Variants in CELF2 observed in about 807,000 individuals in gnomAD.
CELF2 encodes the protein CUG triplet repeat RNA-binding protein 2.
In CELF2, 8 loss-of-function variants were observed where a neutral mutation model predicts 62.6. The ratio of observed to expected loss-of-function variants is 0.13; its 90% CI spans 0.07 to 0.23. The LOEUF (loss-of-function observed/expected upper bound fraction) is 0.23. Ranked by LOEUF, CELF2 falls within the 10% of genes least tolerant of loss-of-function variation. The probability of loss-of-function intolerance (pLI) is 1.00; values close to 1 mark genes in which losing one functional copy is unlikely to be tolerated. For synonymous variants in CELF2, 258 were observed against 250.0 expected, an observed-to-expected ratio of 1.03 and a Z score of -0.30; for missense variants, 333 against 671.0, an observed-to-expected ratio of 0.50 and a Z score of 5.56.
intron 2 of CELF2, among the ~76,000 whole-genome samples, chr10:11,197,079 G>GAAAGAAAGAAAGAAAGAAAGAAAGAA (rs2058134561): frequency 7.3e-6 from 1 of 136,962 alleles, no homozygotes; most frequent in African/African-American, 3.0e-5. Context: ...AGGAAAGAAA[G>GAAAGAAAGAAAGAAAGAAAGAAAGAA]AAAGAAGAAA....
chr10:11,147,096 T>C (rs1019263087), intron 1 of CELF2, among the ~76,000 whole-genome samples: 1 of 152,194 alleles, frequency 6.6e-6, no homozygotes, highest in Non-Finnish European at 1.5e-5. Flanking sequence ...CAATCTTTCA[T>C]CCATCCACCC....
the CELF2 span, among the ~76,000 whole-genome samples, chr10:10,495,791 T>G: frequency 6.6e-6 from 1 of 152,160 alleles, no homozygotes; most frequent in African/African-American, 2.4e-5. Flanking sequence ...AATGATCCCT[T>G]CTGTTCTAGC....
rs1411303071 is a variant in CELF2, at chr10:11,270,462, C to T, written c.619-204C>T. Among the ~76,000 whole-genome samples the T allele has an allele frequency of 1.3e-5, 2 of 152,192 alleles. No individual in the cohort carries two copies. The highest frequency in any genetic ancestry group is 6.5e-5 in the Admixed American group (1 of 15,282). ...AAGTGACTTCACCGACCACCAGATC[C>T]CCCAAAGAAACCACTGGCAGTGTCT... is the stretch of plus-strand genomic sequence containing the variant. On this transcript the variant is annotated intron_variant, in intron 6 of 12. Coordinates refer to ENST00000633077, the MANE Select transcript of CELF2 (RefSeq NM_001326342.2). The surrounding 1 kb of genome is among the most constrained non-coding windows in gnomAD (Gnocchi z 5.8).
chr10:11,143,324 T>A (rs2061687563), intron 1 of CELF2, among the ~76,000 whole-genome samples: 1 of 152,256 alleles, frequency 6.6e-6, no homozygotes, highest in Non-Finnish European at 1.5e-5. Flanking sequence ...TTCTGGTTTG[T>A]TGGAAATCGG....
chr10:10,847,601 T>A (rs2059099102), intron 1 of CELF2, among the ~76,000 whole-genome samples: 1 of 152,220 alleles, frequency 6.6e-6, no homozygotes, highest in Non-Finnish European at 1.5e-5. Flanking sequence ...CTGAAAAGCG[T>A]CATTGCAGAA....
At chr10:10,475,228 C>T in the CELF2 span, among the ~76,000 whole-genome samples, 4 of 151,904 alleles carry the variant, frequency 2.6e-5, no homozygotes, top group South Asian at 2.1e-4. Flanking sequence ...GTTATTACAT[C>T]CTCGCTCAAA....
intron 7 of CELF2, among the ~76,000 whole-genome samples, chr10:11,274,774 C>A (rs1355413057): frequency 1.3e-5 from 2 of 152,138 alleles, no homozygotes; most frequent in Non-Finnish European, 2.9e-5. Flanking sequence ...ATTAGTCACG[C>A]TATGTTGGTT....
At chr10:11,163,010 C>T (rs1472578079) in intron 1 of CELF2, among the ~76,000 whole-genome samples, 1 of 152,176 alleles carries the variant, frequency 6.6e-6, no homozygotes, top group East Asian at 1.9e-4. Context: ...AAGCATGGCT[C>T]ATGGGATGAA....
intron 1 of CELF2, among the ~76,000 whole-genome samples, chr10:10,810,069 A>T (rs11256841): frequency 0.15 from 22,088 of 152,190 alleles, 1,737 homozygotes; most frequent in Non-Finnish European, 0.19. Flanking sequence ...TTAGGATAGA[A>T]CTCTTTTAAA....
chr10:11,034,863 G>T (rs2060709533), intron 1 of CELF2, among the ~76,000 whole-genome samples: 1 of 151,908 alleles, frequency 6.6e-6, no homozygotes, highest in Non-Finnish European at 1.5e-5. Context: ...AGTAGATGAG[G>T]ATCAGTGAAA....
At chr10:10,737,301 C>G in the CELF2 span, among the ~76,000 whole-genome samples, 4 of 152,052 alleles carry the variant, frequency 2.6e-5, no homozygotes, top group South Asian at 6.2e-4. Flanking sequence ...TTTATATTAG[C>G]CTTTTATCAT....
the CELF2 span, among the ~76,000 whole-genome samples, chr10:10,507,614 G>A: frequency 5.5e-4 from 83 of 152,276 alleles, no homozygotes; most frequent in Admixed American, 1.2e-3. Flanking sequence ...TTCCAAATAA[G>A]CACATCCTCA....
intron 2 of CELF2, among the ~76,000 whole-genome samples, chr10:11,189,458 A>G (rs2075795224): frequency 6.6e-6 from 1 of 152,204 alleles, no homozygotes; most frequent in Non-Finnish European, 1.5e-5. Context: ...AATCGTTGAT[A>G]AAATTTGGTT....
the CELF2 span, among the ~76,000 whole-genome samples, chr10:10,715,815 C>T: frequency 2.0e-4 from 31 of 152,122 alleles, no homozygotes; most frequent in African/African-American, 1.2e-4. Context: ...GCACAAAGCT[C>T]CTAGAAATAG....
At chr10:10,980,697 T>C (rs1242555158) in intron 2 of CELF2, among the ~76,000 whole-genome samples, 1 of 152,240 alleles carries the variant, frequency 6.6e-6, no homozygotes, top group African/African-American at 2.4e-5. Context: ...TATTTGAGAA[T>C]CTGCTCAGAT....
chr10:11,059,632 T>A (rs950572779), intron 1 of CELF2, among the ~76,000 whole-genome samples: 2 of 152,162 alleles, frequency 1.3e-5, no homozygotes, highest in African/African-American at 4.8e-5. Context: ...AGAGTTGTGC[T>A]ATTGCAATAA....
At chr10:10,728,477 G>C in the CELF2 span, among the ~76,000 whole-genome samples, 1 of 146,156 alleles carries the variant, frequency 6.8e-6, no homozygotes, top group Non-Finnish European at 1.5e-5. Context: ...AAAAAAAAGA[G>C]AGAGAAAAAA....
At chr10:11,125,248 T>TA (rs2058480026) in intron 1 of CELF2, among the ~76,000 whole-genome samples, 1 of 152,280 alleles carries the variant, frequency 6.6e-6, no homozygotes, top group South Asian at 2.1e-4. Flanking sequence ...CCAGCGGTCT[T>TA]ACACCCAGGG....
the CELF2 span, among the ~76,000 whole-genome samples, chr10:10,601,837 C>T: frequency 6.6e-6 from 1 of 151,956 alleles, no homozygotes; most frequent in South Asian, 2.1e-4. Flanking sequence ...ACAAATCACC[C>T]AGGTATTAAG....
Sources: allele counts gnomAD v4.1 joint callset (sites outside exome capture counted in the v4.1 genomes callset), GRCh38; gene constraint gnomAD v4.1.1; non-coding constraint Gnocchi (gnomAD v3.1); transcripts MANE v1.5; gene names NCBI Gene and HGNC (gene_info 2026-07-23, HGNC 2026-07-21).